The following NEO1 variants were observed in gnomAD, a reference collection of about 807,000 sequenced individuals.
NEO1 encodes the protein neogenin 1.
Under a neutral mutation model 159.7 loss-of-function variants are expected in NEO1, and 63 were observed. The observed-to-expected ratio is 0.39, with a 90% CI of 0.32 to 0.49. The LOEUF (loss-of-function observed/expected upper bound fraction) is 0.49, where lower values mean the gene tolerates loss of function less well. NEO1 is among the 20% of genes least tolerant of loss of function. The pLI is 0.85. For missense variants in NEO1, 1,615 were observed against 1,831.0 expected, an observed-to-expected ratio of 0.88 and a Z score of 2.15; for synonymous variants, 633 against 662.0, an observed-to-expected ratio of 0.96 and a Z score of 0.67.
intron 8 of NEO1, 61 bp from the exon 9 acceptor site, chr15:73,244,283 A>G: frequency 1.3e-6 from 2 of 1,528,684 alleles, no homozygotes; most frequent in Non-Finnish European, 1.8e-6. Flanking sequence ...GGAAAATGAA[A>G]CTGTACATTC....
chr15:73,088,776 G>A (rs2069509811), intron 1 of NEO1, among the ~76,000 whole-genome samples: 1 of 151,960 alleles, frequency 6.6e-6, no homozygotes, highest in African/African-American at 2.4e-5. Context: ...TGAAGAGGAT[G>A]GGGACATTCA....
At chr15:73,239,415 C>T (rs1259763136) in intron 8 of NEO1, among the ~76,000 whole-genome samples, 1 of 152,064 alleles carries the variant, frequency 6.6e-6, no homozygotes, top group African/African-American at 2.4e-5. Flanking sequence ...GCATTGTTTG[C>T]AAGATTATAA....
chr15:73,066,998 G>A (rs917627174), intron 1 of NEO1, among the ~76,000 whole-genome samples: 1 of 152,172 alleles, frequency 6.6e-6, no homozygotes, highest in African/African-American at 2.4e-5. Context: ...ATTCTCAGCG[G>A]GAGAATTGGT....
Position 73,135,897 on chromosome 15 carries a change from A to G in NEO1, c.885A>G (p.Glu295=). 1 of 1,562,788 alleles carries G rather than the reference A, an allele frequency of 6.4e-7. No homozygotes were observed. The highest frequency in any genetic ancestry group is 1.4e-5 in the African/African-American group (1 of 71,886). Reference sequence around the variant, plus strand: ...TTTTTTTTTTTTAACACAGCTCTGAAAGATTGGTATTGCTGGCAGGTGGTA... The same window carrying G: ...TTTTTTTTTTTTAACACAGCTCTGAGAGATTGGTATTGCTGGCAGGTGGTA... The part of the protein sequence containing the change: ...NEEALDTESS[E]RLVLLAGGSL... Residue 295 remains glutamate, a synonymous_variant, in exon 5 of 29, where the codon GAA becomes GAG. Coordinates refer to ENST00000261908, the MANE Select transcript of NEO1 (RefSeq NM_002499.4).
At chr15:73,063,323 G>A (rs1237491498) in intron 1 of NEO1, among the ~76,000 whole-genome samples, 1 of 152,030 alleles carries the variant, frequency 6.6e-6, no homozygotes, top group African/African-American at 2.4e-5. Flanking sequence ...AATGAACAAA[G>A]AATGACTTAA....
chr15:73,129,994 A>T lies in NEO1; in HGVS notation c.878+3424A>T, dbSNP rs1021768922. Among the ~76,000 whole-genome samples the T allele has an allele frequency of 3.3e-5, 5 of 152,062 alleles. No individual in the cohort carries two copies. The East Asian group carries it at 9.7e-4, about 29-fold the overall frequency. ...AGACCCAAGGAACAGCATAATTGTT[A>T]GTTCTTTTTTTTCTTTCTTGAGACA... On this transcript the variant is annotated intron_variant, in intron 4 of 28. Transcript: ENST00000261908.
intron 7 of NEO1, among the ~76,000 whole-genome samples, chr15:73,233,560 T>G (rs2039024271): frequency 6.6e-6 from 1 of 152,178 alleles, no homozygotes; most frequent in African/African-American, 2.4e-5. Context: ...ATGAAATTGA[T>G]ACATATTTTG....
chr15:73,210,358 T>A (rs1445094849), intron 7 of NEO1, among the ~76,000 whole-genome samples: 2 of 152,166 alleles, frequency 1.3e-5, no homozygotes, highest in Admixed American at 1.3e-4. Flanking sequence ...TAGACCAATT[T>A]TCCTTTTGTT....
In NEO1 at chr15:73,304,055, A is replaced by T. The variant is rs1193610048; in HGVS notation, c.*1359A>T. On this transcript the variant is annotated 3_prime_UTR_variant, in exon 29 of 29. Transcript: ENST00000261908. ...GCAGTGCCCCCTGAGGCTTCCACAC[A>T]TCTTTCTGAATATTATTTTTCAAGT... The T allele has an allele frequency of 6.6e-6, 1 of 152,180 alleles. No homozygotes were observed. The allele number at this position is 152,180 out of a possible 1,614,324, so 9.4% of individuals were successfully genotyped here.
chr15:73,089,961 C>G (rs2069589845), intron 1 of NEO1, among the ~76,000 whole-genome samples: 1 of 151,992 alleles, frequency 6.6e-6, no homozygotes, highest in South Asian at 2.1e-4. Context: ...TGGGACGGAC[C>G]CAGTTTACAC....
At chr15:73,137,919 G>A (rs956626083) in intron 5 of NEO1, among the ~76,000 whole-genome samples, 6 of 152,166 alleles carry the variant, frequency 3.9e-5, no homozygotes, top group South Asian at 2.1e-4. Context: ...TAAGAGATAC[G>A]ATAGGTATAG....
At chr15:73,084,781 T>TTG (rs1555424378) in intron 1 of NEO1, among the ~76,000 whole-genome samples, 10 of 151,558 alleles carry the variant, frequency 6.6e-5, no homozygotes, top group South Asian at 4.2e-4. Context: ...CTTTTTCTTT[T>TTG]TGTGTGTGTG....
intron 6 of NEO1, among the ~76,000 whole-genome samples, chr15:73,177,793 G>A (rs2035366185): frequency 6.6e-6 from 1 of 152,168 alleles, no homozygotes. Flanking sequence ...CTCCTGCCTC[G>A]GCCTCCCAAA....
chr15:73,257,005 A>G (rs531346638), intron 13 of NEO1, among the ~76,000 whole-genome samples: 1 of 151,634 alleles, frequency 6.6e-6, no homozygotes, highest in East Asian at 1.9e-4. Context: ...GGTGGTGCTC[A>G]CCTGTGGTCC....
intron 26 of NEO1, among the ~76,000 whole-genome samples, chr15:73,296,783 G>T (rs1467929034): frequency 6.6e-6 from 1 of 152,124 alleles, no homozygotes; most frequent in Non-Finnish European, 1.5e-5. Flanking sequence ...GGTAGTGTAC[G>T]CAGTCTGGAT....
intron 1 of NEO1, among the ~76,000 whole-genome samples, chr15:73,066,800 G>C (rs1372121590): frequency 6.6e-6 from 1 of 152,190 alleles, no homozygotes; most frequent in Admixed American, 6.5e-5. Flanking sequence ...TCTGTCGAAA[G>C]CTATGCTCAT....
At chr15:73,205,034 G>C (rs1040184339) in intron 7 of NEO1, among the ~76,000 whole-genome samples, 2 of 152,128 alleles carry the variant, frequency 1.3e-5, no homozygotes, top group African/African-American at 4.8e-5. Flanking sequence ...ACTCCTCAGA[G>C]GGAGCCTTTT....
rs1365785576 is a variant in NEO1, at chr15:73,122,113, A to G, written c.449-412A>G. Reference sequence around the variant, plus strand: ...TATATATACACATTATATATATTATATATATGTATAGCAATGAATAAAGAC... The same window carrying G: ...TATATATACACATTATATATATTATGTATATGTATAGCAATGAATAAAGAC... On this transcript the variant is annotated intron_variant, in intron 2 of 28. Coordinates refer to ENST00000261908, the MANE Select transcript of NEO1 (RefSeq NM_002499.4). 2.4e-4 allele frequency among the ~76,000 whole-genome samples: 10 copies of G among 41,262 alleles called. 1 individual carries two copies. Among genetic ancestry groups the G allele is most frequent in the African/African-American group, 2.0e-3 (10 of 5,124 alleles). The allele number at this position is 41,262 out of a possible 152,430, so 27.1% of individuals were successfully genotyped here. A position where few individuals can be genotyped will look rare whatever the true frequency, so the allele number is the denominator to read the frequency against.
chr15:73,200,432 A>AATTAAGAGAGAGAGGGAGAGGG (rs1265739619), intron 7 of NEO1, among the ~76,000 whole-genome samples: 1 of 151,304 alleles, frequency 6.6e-6, no homozygotes, highest in African/African-American at 2.4e-5. Flanking sequence ...AATAAAAAGA[A>AATTAAGAGAGAGAGGGAGAGGG]ATTAAGAGAG....
Sources: gnomAD v4.1 joint callset for allele counts (sites outside exome capture counted in the v4.1 genomes callset) on GRCh38, gnomAD v4.1.1 for gene constraint, MANE v1.5 for transcripts, NCBI Gene and HGNC (gene_info 2026-07-23, HGNC 2026-07-21) for gene names.